B3GALT1: variants seen among roughly 807,000 people sequenced by gnomAD.
B3GALT1 encodes UDP-Gal:betaGlcNAc beta 1,3-galactosyltransferase, polypeptide 1.
B3GALT1 carries 10 observed loss-of-function variants against 23.2 expected under a neutral mutation model. That is an observed-to-expected ratio of 0.43 (90% CI 0.27 to 0.73). B3GALT1 has a LOEUF of 0.73. Ranked by LOEUF, B3GALT1 falls within the 30% of genes least tolerant of loss-of-function variation. The pLI, the probability that B3GALT1 is intolerant of heterozygous loss-of-function variation, is 0.21. For missense variants in B3GALT1, 299 were observed against 405.4 expected, an observed-to-expected ratio of 0.74 and a Z score of 2.25; for synonymous variants, 156 against 141.5, an observed-to-expected ratio of 1.10 and a Z score of -0.73.
chr2:167,721,270 A>T (rs1196486051), intron 3 of B3GALT1, among the ~76,000 whole-genome samples: 1 of 152,248 alleles, frequency 6.6e-6, no homozygotes, highest in Non-Finnish European at 1.5e-5. Context: ...TATTTGGACA[A>T]CATGAAAGAA....
chr2:167,714,278 G>T (rs1254287105), intron 3 of B3GALT1: 36 of 1,499,672 alleles, frequency 2.4e-5, no homozygotes, highest in Non-Finnish European at 3.2e-5. Flanking sequence ...TTCCCATGGA[G>T]ATGAGAGGGA....
Position 167,801,547 on chromosome 2 carries a change from A to G in B3GALT1, c.-351-17125A>G, listed in dbSNP as rs184511875. ...AGCCCCAGGCCCTGATGTTTGCACTACAGTATTCAAGACTGTACTATGACT... is the reference window on the plus strand; with the variant it reads ...AGCCCCAGGCCCTGATGTTTGCACTGCAGTATTCAAGACTGTACTATGACT... On this transcript the variant is annotated intron_variant, in intron 3 of 4. Transcript: ENST00000392690. Among the ~76,000 whole-genome samples the G allele has an allele frequency of 1.7e-3, 255 of 152,320 alleles. 2 individuals carry two copies. Among genetic ancestry groups the G allele is most frequent in the Non-Finnish European group, 3.1e-4 (21 of 68,020 alleles).
At chr2:167,565,443 A>G (rs1684139474) in intron 2 of B3GALT1, among the ~76,000 whole-genome samples, 1 of 152,244 alleles carries the variant, frequency 6.6e-6, no homozygotes, top group Non-Finnish European at 1.5e-5. Context: ...GGACATAGGC[A>G]AGGGCAAGAA....
chr2:167,688,392 A>G (rs751268173), intron 3 of B3GALT1, among the ~76,000 whole-genome samples: 1 of 152,188 alleles, frequency 6.6e-6, no homozygotes, highest in Non-Finnish European at 1.5e-5. Flanking sequence ...GCAATTACGA[A>G]CACACTTAAA....
At chr2:167,658,852 C>T (rs2390601) in intron 3 of B3GALT1, among the ~76,000 whole-genome samples, 71,427 of 151,800 alleles carry the variant, frequency 0.47, 19,032 homozygotes, top group Non-Finnish European at 0.58. Flanking sequence ...TGGATAGTTG[C>T]TGTTAATCAA....
chr2:167,428,920 G>A (rs1203638073), intron 1 of B3GALT1, among the ~76,000 whole-genome samples: 6 of 151,890 alleles, frequency 4.0e-5, no homozygotes, highest in Admixed American at 6.6e-5. Context: ...TATATTTATC[G>A]ACATACCATC....
intron 2 of B3GALT1, among the ~76,000 whole-genome samples, chr2:167,560,746 G>C (rs895899304): frequency 2.0e-5 from 3 of 152,082 alleles, no homozygotes; most frequent in East Asian, 1.9e-4. Context: ...AATTCAACAA[G>C]AAGAGCTAAC....
intron 3 of B3GALT1, among the ~76,000 whole-genome samples, chr2:167,797,779 G>A (rs1206121151): frequency 3.9e-5 from 6 of 152,130 alleles, no homozygotes; most frequent in Non-Finnish European, 8.8e-5. Flanking sequence ...CACAATCTCG[G>A]CTCACTGCAA....
At chr2:167,314,530 T>A (rs1230974231) in intron 1 of B3GALT1, among the ~76,000 whole-genome samples, 3 of 152,206 alleles carry the variant, frequency 2.0e-5, no homozygotes, top group Admixed American at 6.6e-5. Flanking sequence ...TGGTTTGGAA[T>A]CATACCACGG....
intron 4 of B3GALT1, among the ~76,000 whole-genome samples, chr2:167,858,641 G>A (rs1690043331): frequency 6.6e-6 from 1 of 152,164 alleles, no homozygotes; most frequent in African/African-American, 2.4e-5. Flanking sequence ...AGGCTTCAGA[G>A]CTGATGACTC....
At chr2:167,773,647 A>G (rs759189089) in intron 3 of B3GALT1, among the ~76,000 whole-genome samples, 2 of 152,232 alleles carry the variant, frequency 1.3e-5, no homozygotes, top group African/African-American at 2.4e-5. Flanking sequence ...AGACCCTATA[A>G]TTCTGGGCTC....
intron 1 of B3GALT1, among the ~76,000 whole-genome samples, chr2:167,443,349 G>T (rs1266229379): frequency 1.3e-5 from 2 of 152,164 alleles, no homozygotes; most frequent in Non-Finnish European, 2.9e-5. Context: ...GATTGACTTG[G>T]CAATGCGGAC....
At chr2:167,486,483 G>T (rs1699628866) in intron 1 of B3GALT1, among the ~76,000 whole-genome samples, 1 of 151,904 alleles carries the variant, frequency 6.6e-6, no homozygotes, top group East Asian at 1.9e-4. Flanking sequence ...GCTTTGGGAG[G>T]CTGAGGCAGG....
At chr2:167,341,981 G>A (rs1050718157) in intron 1 of B3GALT1, among the ~76,000 whole-genome samples, 2 of 152,018 alleles carry the variant, frequency 1.3e-5, no homozygotes, top group African/African-American at 2.4e-5. Flanking sequence ...TTGCCTGGCC[G>A]GACCATCCCT....
At chr2:167,410,938 C>T (rs1698380932) in intron 1 of B3GALT1, among the ~76,000 whole-genome samples, 1 of 151,772 alleles carries the variant, frequency 6.6e-6, no homozygotes. Context: ...ATAGACCTAA[C>T]AGAAAATGTT....
intron 2 of B3GALT1, among the ~76,000 whole-genome samples, chr2:167,619,677 A>G (rs1356256182): frequency 6.6e-6 from 1 of 152,098 alleles, no homozygotes; most frequent in Non-Finnish European, 1.5e-5. Context: ...TCTACCACAC[A>G]TGTTTATATG....
chr2:167,842,735 G>A (rs1007232089), intron 4 of B3GALT1, among the ~76,000 whole-genome samples: 1 of 152,050 alleles, frequency 6.6e-6, no homozygotes, highest in African/African-American at 2.4e-5. Context: ...TTAGCTGGGT[G>A]TGGTGGCACA....
chr2:167,784,590 A>G (rs1688310939), intron 3 of B3GALT1, among the ~76,000 whole-genome samples: 1 of 152,222 alleles, frequency 6.6e-6, no homozygotes, highest in African/African-American at 2.4e-5. Flanking sequence ...CTCTATTTGT[A>G]ATAGCACATA....
intron 2 of B3GALT1, among the ~76,000 whole-genome samples, chr2:167,614,013 C>T (rs1485864152): frequency 1.3e-5 from 2 of 151,592 alleles, no homozygotes; most frequent in Non-Finnish European, 3.0e-5. Flanking sequence ...ATGAACACTA[C>T]TCTCGTTTAA....
Sources: gnomAD v4.1 joint callset for allele counts (sites outside exome capture counted in the v4.1 genomes callset) on GRCh38, gnomAD v4.1.1 for gene constraint, MANE v1.5 for transcripts, NCBI Gene and HGNC (gene_info 2026-07-23, HGNC 2026-07-21) for gene names.